The following PIP5K1B variants were observed in gnomAD, a reference collection of about 807,000 sequenced individuals.
The protein encoded by PIP5K1B is phosphatidylinositol 4-phosphate 5-kinase type-1 beta.
In PIP5K1B, 42 loss-of-function variants were observed where a neutral mutation model predicts 67.0. The observed-to-expected ratio is 0.63, with a 90% CI of 0.49 to 0.81. PIP5K1B has a LOEUF of 0.81. PIP5K1B is among the 30% of genes least tolerant of loss of function. The probability of loss-of-function intolerance (pLI) is 0.00; values close to 1 mark genes in which losing one functional copy is unlikely to be tolerated. For synonymous variants in PIP5K1B, 214 were observed against 231.4 expected (o/e 0.92, Z 0.68); for missense variants, 459 against 646.3 (o/e 0.71, Z 3.14).
chr9:68,926,764 G>C (rs1418901051), intron 12 of PIP5K1B, among the ~76,000 whole-genome samples: 4 of 152,014 alleles, frequency 2.6e-5, no homozygotes, highest in Non-Finnish European at 4.4e-5. Context: ...TAGAGATGGG[G>C]TATCACCATG....
At chr9:68,831,955 G>A (rs924129868) in intron 4 of PIP5K1B, among the ~76,000 whole-genome samples, 1 of 152,194 alleles carries the variant, frequency 6.6e-6, no homozygotes, top group African/African-American at 2.4e-5. Flanking sequence ...AAGATTACAG[G>A]CGTGAGCCAC....
intron 13 of PIP5K1B, among the ~76,000 whole-genome samples, chr9:68,938,763 G>T (rs1827404992): frequency 6.6e-6 from 1 of 152,108 alleles, no homozygotes; most frequent in African/African-American, 2.4e-5. Flanking sequence ...GGAGATCCCT[G>T]CTTCTTTGCT....
intron 2 of PIP5K1B, among the ~76,000 whole-genome samples, chr9:68,802,431 A>AATGGATGGATGGATGGATGG (rs377615270): frequency 6.6e-5 from 10 of 152,106 alleles, no homozygotes; most frequent in African/African-American, 2.4e-4. Context: ...ATGGATAGAA[A>AATGGATGGATGGATGGATGG]ATGGATGGAT....
At chr9:68,978,432 T>C (rs1259496275) in intron 14 of PIP5K1B, among the ~76,000 whole-genome samples, 1 of 152,252 alleles carries the variant, frequency 6.6e-6, no homozygotes, top group Non-Finnish European at 1.5e-5. Context: ...TCCATGTTAT[T>C]GCAAATGGCA....
At chr9:68,887,044 T>A (rs1034346102) in intron 6 of PIP5K1B, among the ~76,000 whole-genome samples, 1 of 152,236 alleles carries the variant, frequency 6.6e-6, no homozygotes, top group Non-Finnish European at 1.5e-5. Flanking sequence ...TGTGGCTTGC[T>A]GCCTGGTCTC....
chr9:68,928,766 A>C (rs968753759), intron 12 of PIP5K1B, among the ~76,000 whole-genome samples: 1 of 152,204 alleles, frequency 6.6e-6, no homozygotes, highest in Admixed American at 6.5e-5. Context: ...ATTCCTATCT[A>C]CTTTTCTTGC....
chr9:68,884,260 T>G (rs1824342463), intron 6 of PIP5K1B, among the ~76,000 whole-genome samples: 1 of 151,586 alleles, frequency 6.6e-6, no homozygotes, highest in Non-Finnish European at 1.5e-5. Flanking sequence ...GGTAAAGGGT[T>G]GATATCCAAA....
intron 2 of PIP5K1B, among the ~76,000 whole-genome samples, chr9:68,766,183 G>T (rs1830417641): frequency 1.3e-5 from 2 of 152,068 alleles, no homozygotes; most frequent in South Asian, 4.1e-4. Context: ...CTAAGACTTG[G>T]TGGATATCTA....
intron 2 of PIP5K1B, chr9:68,789,114 A>G: frequency 1.7e-6 from 1 of 573,540 alleles, no homozygotes; most frequent in Non-Finnish European, 3.4e-6. Context: ...CTCTTCAATC[A>G]CATCAAAATA....
At chr9:68,734,692 T>C (rs564698711) in intron 1 of PIP5K1B, among the ~76,000 whole-genome samples, 1 of 152,168 alleles carries the variant, frequency 6.6e-6, no homozygotes, top group Non-Finnish European at 1.5e-5. Flanking sequence ...CTCCAGTCTA[T>C]ACAAAAGGGA....
chr9:68,937,415 T>C (rs1308209384), intron 13 of PIP5K1B, among the ~76,000 whole-genome samples: 2 of 152,236 alleles, frequency 1.3e-5, no homozygotes, highest in African/African-American at 4.8e-5. Context: ...TATTCTCTGA[T>C]GGTAGTTTGT....
At chr9:68,740,790 G>C (rs1387112256) in intron 1 of PIP5K1B, among the ~76,000 whole-genome samples, 1 of 152,176 alleles carries the variant, frequency 6.6e-6, no homozygotes, top group Admixed American at 6.5e-5. Flanking sequence ...TCTGACTCTA[G>C]GCAACGTGAT....
At chr9:68,919,364 C>A in intron 9 of PIP5K1B, 115 bp from the exon 10 acceptor site, 7 of 585,482 alleles carry the variant, frequency 1.2e-5, no homozygotes, top group South Asian at 7.9e-5. Flanking sequence ...GGAGATAGCC[C>A]AGAATTCTTA....
intron 4 of PIP5K1B, among the ~76,000 whole-genome samples, chr9:68,863,332 T>C (rs1447810142): frequency 6.6e-6 from 1 of 152,226 alleles, no homozygotes; most frequent in South Asian, 2.1e-4. Context: ...AAATACATTC[T>C]AATTGTCCTA....
chr9:68,755,063 C>G (rs926695444), intron 2 of PIP5K1B, among the ~76,000 whole-genome samples: 1 of 152,162 alleles, frequency 6.6e-6, no homozygotes, highest in East Asian at 1.9e-4. Flanking sequence ...TTTGAAAGAT[C>G]TGTAAGAATT....
chr9:68,940,776 A>G lies in PIP5K1B; in HGVS notation c.1488A>G (p.Thr496=), dbSNP rs768026996. The change falls in exon 14 of 16, where the codon ACA becomes ACG. Residue 496 remains threonine (T), a synonymous_variant. Coordinates refer to ENST00000265382, the MANE Select transcript of PIP5K1B (RefSeq NM_003558.4). ...AGCACTATCCACACGACAGGCCTAC[A>G]CTCTATTCAAACAGGTAATACTTAG... ...VNEHYPHDRP[T]LYSNSKGLPS... 1.2e-6 allele frequency: 2 copies of G among 1,613,820 alleles called. No individual in the cohort carries two copies. Among genetic ancestry groups the G allele is most frequent in the East Asian group, 4.5e-5 (2 of 44,878 alleles).
chr9:68,801,260 C>T (rs1479315596), intron 2 of PIP5K1B, among the ~76,000 whole-genome samples: 1 of 152,092 alleles, frequency 6.6e-6, no homozygotes, highest in Non-Finnish European at 1.5e-5. Flanking sequence ...CAAGCCCGGG[C>T]ATGAGAGAAC....
chr9:68,766,375 C>T (rs12342394), intron 2 of PIP5K1B, among the ~76,000 whole-genome samples: 18,781 of 151,964 alleles, frequency 0.12, 1,291 homozygotes, highest in Non-Finnish European at 0.16. Context: ...ACAAAATGAA[C>T]GTACAAAGAT....
chr9:68,724,816 A>T (rs1002543535), intron 1 of PIP5K1B, among the ~76,000 whole-genome samples: 1 of 152,108 alleles, frequency 6.6e-6, no homozygotes. Flanking sequence ...CTTGTTCCAG[A>T]TCTTAGTGGA....
Sources: gnomAD v4.1 joint callset for allele counts (sites outside exome capture counted in the v4.1 genomes callset) on GRCh38, gnomAD v4.1.1 for gene constraint, MANE v1.5 for transcripts, NCBI Gene and HGNC (gene_info 2026-07-23, HGNC 2026-07-21) for gene names.